RARS2: variants seen among roughly 807,000 people sequenced by gnomAD.
The protein encoded by RARS2 is arginyl-tRNA synthetase 2, mitochondrial, also known as probable arginine--tRNA ligase, mitochondrial.
A neutral mutation model predicts 88.5 loss-of-function variants in RARS2; 67 were observed. The observed-to-expected ratio is 0.76, with a 90% CI of 0.62 to 0.93. The LOEUF is 0.93. Among genes scored for constraint, RARS2 ranks in the 40% least tolerant of loss-of-function variants. The pLI is 0.00. For synonymous variants in RARS2, 239 were observed against 230.3 expected, an observed-to-expected ratio of 1.04 and a Z score of -0.34; for missense variants, 664 against 684.2, an observed-to-expected ratio of 0.97 and a Z score of 0.33.
intron 4 of RARS2, among the ~76,000 whole-genome samples, chr6:87,559,477 A>C (rs1787152152): frequency 1.4e-5 from 1 of 72,282 alleles, no homozygotes; most frequent in Admixed American, 1.8e-4. Flanking sequence ...AAAAAAAAAA[A>C]AAAAAAAAAA....
At chr6:87,527,600 C>G (rs1034123085) in intron 10 of RARS2, among the ~76,000 whole-genome samples, 1 of 151,994 alleles carries the variant, frequency 6.6e-6, no homozygotes, top group Non-Finnish European at 1.5e-5. Flanking sequence ...AGAAAACAAT[C>G]AACAAAATGA....
At chr6:87,582,005 A>G (rs1773631472) in intron 1 of RARS2, among the ~76,000 whole-genome samples, 1 of 152,150 alleles carries the variant, frequency 6.6e-6, no homozygotes, top group Non-Finnish European at 1.5e-5. Flanking sequence ...CCAGTCTATC[A>G]TTGATGGGCA....
chr6:87,574,819 T>C (rs1770877684), intron 1 of RARS2, among the ~76,000 whole-genome samples: 1 of 152,012 alleles, frequency 6.6e-6, no homozygotes, highest in South Asian at 2.1e-4. Flanking sequence ...GTGACCAAAC[T>C]TTTTACCATA....
At chr6:87,519,182 A>ATGTGTGTG (rs772148859) in intron 14 of RARS2, 2,123 of 204,914 alleles carry the variant, frequency 0.01, 11 homozygotes, top group East Asian at 0.016. Context: ...ATATAAATAT[A>ATGTGTGTG]TATGTGTGTG....
Position 87,514,511 on chromosome 6 carries a change from A to C in RARS2, c.1651-12T>G, listed in dbSNP as rs769530438. On this transcript the variant is annotated splice_polypyrimidine_tract_variant and intron_variant, in intron 19 of 19. Coordinates refer to ENST00000369536, the MANE Select transcript of RARS2 (RefSeq NM_020320.5). ...AGATGAAGTCTGGCCTACAAAATAA[A>C]TCAAAGAATGATTTAAAATATTCAG... 5.0e-6 allele frequency: 8 copies of C among 1,591,638 alleles called. No homozygotes were observed. The highest frequency in any genetic ancestry group is 6.0e-6 in the Non-Finnish European group (7 of 1,159,770).
At chr6:87,542,751 A>G (rs1423311220) in intron 7 of RARS2, among the ~76,000 whole-genome samples, 5 of 150,550 alleles carry the variant, frequency 3.3e-5, no homozygotes, top group African/African-American at 1.2e-4. Context: ...GACTCAAGAT[A>G]TTCTGCATAA....
intron 4 of RARS2, among the ~76,000 whole-genome samples, chr6:87,556,621 C>T (rs1053106582): frequency 6.6e-6 from 1 of 151,532 alleles, no homozygotes; most frequent in African/African-American, 2.4e-5. Flanking sequence ...CCCATCTCTA[C>T]TAAAAAAATT....
At chr6:87,586,002 T>A (rs4354121) in intron 1 of RARS2, among the ~76,000 whole-genome samples, 47,389 of 152,028 alleles carry the variant, frequency 0.31, 7,518 homozygotes, top group Admixed American at 0.41. Context: ...GAATGGGGCA[T>A]GAATGGAAGT....
At chr6:87,561,150 A>G (rs1214150101) in intron 4 of RARS2, among the ~76,000 whole-genome samples, 2 of 152,226 alleles carry the variant, frequency 1.3e-5, no homozygotes, top group Admixed American at 1.3e-4. Context: ...AACAGATGCT[A>G]TAAGCTTGAG....
rs368330230 is a variant in RARS2 at position 87,544,590 on chromosome 6, C to T, written c.535+1026G>A. On this transcript the variant is annotated intron_variant, in intron 7 of 19. Transcript: ENST00000369536. ...GATACTAGAGCTGTTTCTTAAAATACACATGGTGGTAACAACAGATTTTTT... is the reference window on the plus strand; with the variant it reads ...GATACTAGAGCTGTTTCTTAAAATATACATGGTGGTAACAACAGATTTTTT... Among the ~76,000 whole-genome samples the T allele has an allele frequency of 1.1e-4, 17 of 152,288 alleles. No homozygotes were observed. The East Asian group carries it at 2.1e-3, about 19-fold the overall frequency.
At chr6:87,549,097 G>A (rs1310733013) in intron 5 of RARS2, among the ~76,000 whole-genome samples, 1 of 152,052 alleles carries the variant, frequency 6.6e-6, no homozygotes, top group East Asian at 1.9e-4. Context: ...GCTCACTCCT[G>A]TAATCCCAGC....
At chr6:87,538,802 G>C (rs933235222) in intron 8 of RARS2, among the ~76,000 whole-genome samples, 1 of 152,164 alleles carries the variant, frequency 6.6e-6, no homozygotes, top group Non-Finnish European at 1.5e-5. Flanking sequence ...GGGAGTTTGA[G>C]GCAGGAGGAC....
chr6:87,578,696 C>T (rs997227899), intron 1 of RARS2, among the ~76,000 whole-genome samples: 2 of 152,012 alleles, frequency 1.3e-5, no homozygotes, highest in African/African-American at 2.4e-5. Context: ...CAGTGGCTTG[C>T]GCCTGTAATC....
At position 87,524,582 on chromosome 6, in the gene RARS2, C is replaced by T. The variant is rs1171303062; in HGVS notation, c.949G>A (p.Asp317Asn). Reference sequence around the variant, plus strand: ...CTGGTTGCATAGAGAGAAGTCCCATCACTTCGCATTACAGTACAAATTGAG... The same window carrying T: ...CTGGTTGCATAGAGAGAAGTCCCATTACTTCGCATTACAGTACAAATTGAG... The part of the protein sequence containing the change: ...PSSICTVMRS[D>N]GTSLYATRDL... Residue 317 changes from aspartate (D) to asparagine (N), a missense_variant, in exon 11 of 20, where the codon GAT (aspartate) becomes AAT (asparagine). Asp to Asn is a conservative substitution (Grantham distance 23). Transcript: ENST00000369536. 1.9e-6 allele frequency: 3 copies of T among 1,612,682 alleles called. No homozygotes were observed. In the African/African-American group the frequency reaches 4.0e-5, roughly 22 times the overall value.
chr6:87,518,782 G>GT, intron 15 of RARS2, 42 bp downstream of exon 15: 1 of 1,612,234 alleles, frequency 6.2e-7, no homozygotes, highest in Non-Finnish European at 8.5e-7. Context: ...ATTTGCTCTA[G>GT]TACCAAACAA....
rs1266707585 is a variant in RARS2 at position 87,548,649 on chromosome 6, G to C, written c.396-3C>G. On this transcript the variant is annotated splice_region_variant and splice_polypyrimidine_tract_variant and intron_variant, in intron 5 of 19. Coordinates refer to ENST00000369536, the MANE Select transcript of RARS2 (RefSeq NM_020320.5). ...ATTTTTTGGCAACATTAGGTGAACT[G>C]CAAAAAAAATGGGAAACATTTCTCT... is the stretch of plus-strand genomic sequence containing the variant. 1 of 1,611,186 alleles carries C rather than the reference G, an allele frequency of 6.2e-7. No homozygotes were observed. The highest frequency in any genetic ancestry group is 8.5e-7 in the Non-Finnish European group (1 of 1,178,578).
rs1308650932 is a variant in RARS2 at position 87,514,976 on chromosome 6, CTA to C, written c.1629_1630del (p.Asp543GlufsTer4). ...ACGTACCCCAGCCACTTCAGGAGGA[CTA>C]TCTTTTATTTGTAGTGTTTTGTGTG... is the stretch of plus-strand genomic sequence containing the variant. On this transcript the variant is annotated frameshift_variant, in exon 19 of 20. Coordinates refer to ENST00000369536, the MANE Select transcript of RARS2 (RefSeq NM_020320.5). LOFTEE classifies it high-confidence loss of function. 1 of 1,613,086 alleles carries C rather than the reference CTA, an allele frequency of 6.2e-7. No homozygotes were observed. Among genetic ancestry groups the C allele is most frequent in the Non-Finnish European group, 8.5e-7 (1 of 1,179,090 alleles).
intron 8 of RARS2, 90 bp downstream of exon 8, chr6:87,541,828 T>G: frequency 9.6e-7 from 1 of 1,037,166 alleles, no homozygotes. Flanking sequence ...TGTCTCAAAA[T>G]AAAGAAAAAT....
At chr6:87,549,121 G>A (rs370842169) in intron 5 of RARS2, among the ~76,000 whole-genome samples, 16 of 152,018 alleles carry the variant, frequency 1.1e-4, no homozygotes, top group South Asian at 2.1e-4. Context: ...TTGGGAGGCC[G>A]AGGCAGATGG....
Sources: gnomAD v4.1 joint callset for allele counts (sites outside exome capture counted in the v4.1 genomes callset) on GRCh38, gnomAD v4.1.1 for gene constraint, MANE v1.5 for transcripts, NCBI Gene and HGNC (gene_info 2026-07-23, HGNC 2026-07-21) for gene names.